The following TTC17 variants were observed in gnomAD, a reference collection of about 807,000 sequenced individuals.
TTC17 encodes tetratricopeptide repeat protein 17.
Under a neutral mutation model 143.8 loss-of-function variants are expected in TTC17, and 58 were observed. The observed-to-expected ratio is 0.40, with a 90% CI of 0.33 to 0.50. The LOEUF is 0.50. Among genes scored for constraint, TTC17 ranks in the 20% least tolerant of loss-of-function variants. The pLI is 0.49. For missense variants in TTC17, 1,273 were observed against 1,392.5 expected, an observed-to-expected ratio of 0.91 and a Z score of 1.37; for synonymous variants, 501 against 497.8, an observed-to-expected ratio of 1.01 and a Z score of -0.09.
chr11:43,368,486 C>CGTA (rs1856439238), intron 1 of TTC17, among the ~76,000 whole-genome samples: 2 of 152,174 alleles, frequency 1.3e-5, no homozygotes, highest in African/African-American at 4.8e-5. Flanking sequence ...TCAAACCCAA[C>CGTA]GTAGTAATAA....
chr11:43,363,713 G>T (rs934066509), intron 1 of TTC17, among the ~76,000 whole-genome samples: 1 of 152,182 alleles, frequency 6.6e-6, no homozygotes, highest in Non-Finnish European at 1.5e-5. Flanking sequence ...ACTCAAAGTC[G>T]TGTAACTAAT....
chr11:43,480,935 T>C (rs1249367852), intron 21 of TTC17, among the ~76,000 whole-genome samples: 1 of 148,696 alleles, frequency 6.7e-6, no homozygotes, highest in African/African-American at 2.5e-5. Flanking sequence ...TAAAATGATC[T>C]ATAATACAGC....
intron 21 of TTC17, among the ~76,000 whole-genome samples, chr11:43,472,345 A>C (rs1360639482): frequency 6.6e-6 from 1 of 152,184 alleles, no homozygotes; most frequent in Non-Finnish European, 1.5e-5. Context: ...CCTGTTTCAG[A>C]AAAGAAAAAA....
chr11:43,452,543 G>GA (rs1279165499), intron 21 of TTC17, among the ~76,000 whole-genome samples: 1 of 151,956 alleles, frequency 6.6e-6, no homozygotes, highest in Non-Finnish European at 1.5e-5. Flanking sequence ...GTGAATGAAT[G>GA]AAAACCATAG....
intron 13 of TTC17, among the ~76,000 whole-genome samples, chr11:43,406,428 G>T (rs905929498): frequency 6.6e-6 from 1 of 151,892 alleles, no homozygotes; most frequent in Non-Finnish European, 1.5e-5. Flanking sequence ...GTTCAATTAT[G>T]CTCTTTTCCT....
chr11:43,407,677 T>A, intron 15 of TTC17, 100 bp downstream of exon 15: 3 of 1,172,396 alleles, frequency 2.6e-6, no homozygotes, highest in Non-Finnish European at 3.6e-6. Flanking sequence ...AAAAATGTCA[T>A]GTTTTGTCTT....
intron 21 of TTC17, chr11:43,466,586 AC>A: frequency 7.2e-6 from 2 of 279,180 alleles, no homozygotes. Flanking sequence ...ATGACTTCAC[AC>A]CCCATAATGG....
At chr11:43,478,828 A>G (rs34564056) in intron 21 of TTC17, among the ~76,000 whole-genome samples, 1,810 of 152,258 alleles carry the variant, frequency 0.012, 20 homozygotes, top group Non-Finnish European at 0.017. Flanking sequence ...TAGTCTCGCT[A>G]TGTTGCCCAG....
At chr11:43,459,881 A>G (rs1361687580) in intron 21 of TTC17, among the ~76,000 whole-genome samples, 2 of 152,230 alleles carry the variant, frequency 1.3e-5, no homozygotes, top group East Asian at 3.9e-4. Flanking sequence ...GTTCAATATA[A>G]CATAATGCAA....
chr11:43,457,814 A>T (rs745359961), intron 21 of TTC17, among the ~76,000 whole-genome samples: 1 of 152,074 alleles, frequency 6.6e-6, no homozygotes, highest in Non-Finnish European at 1.5e-5. Flanking sequence ...AAGAAACGTG[A>T]TGGAAAAACT....
intron 1 of TTC17, among the ~76,000 whole-genome samples, chr11:43,359,586 C>T (rs1195473721): frequency 6.6e-6 from 1 of 152,142 alleles, no homozygotes; most frequent in Non-Finnish European, 1.5e-5. Context: ...CGTGCTGCTC[C>T]CCTAGTCTCG....
chr11:43,398,005 G>A lies in TTC17; in HGVS notation c.950G>A (p.Cys317Tyr), dbSNP rs1462109104. The A allele has an allele frequency of 6.2e-7, 1 of 1,611,854 alleles. No homozygotes were observed. The highest frequency in any genetic ancestry group is 8.5e-7 in the Non-Finnish European group (1 of 1,179,294). The change falls in exon 8 of 24, where the codon TGT becomes TAT. Residue 317 changes from cysteine to tyrosine, a missense_variant. Cys to Tyr is a radical substitution (Grantham distance 194). This residue lies in a region of TTC17 where 325 missense variants were observed against 444.2 expected (regional missense o/e 0.73). Coordinates refer to ENST00000039989, the MANE Select transcript of TTC17 (RefSeq NM_018259.6). ...GGGGAATATAACCACTCAGTGCTCT[G>A]TTATGACCACGCTTTGCAGGCCAGA... ...MLGEYNHSVL[C>Y]YDHALQARPG...
At chr11:43,396,865 C>A in intron 6 of TTC17, 47 bp downstream of exon 6, 2 of 1,219,266 alleles carry the variant, frequency 1.6e-6, no homozygotes, top group Non-Finnish European at 2.4e-6. Flanking sequence ...TTCCTCAGGA[C>A]TGTTAAAGAA....
At position 43,411,705 on chromosome 11, in the gene TTC17, T is replaced by C. The variant is rs767546923; in HGVS notation, c.2065-2885T>C. On this transcript the variant is annotated intron_variant, in intron 15 of 23. Coordinates refer to ENST00000039989, the MANE Select transcript of TTC17 (RefSeq NM_018259.6). The stretch of plus-strand genomic sequence containing the variant: ...TATTTTTACAGCTGTCATTTTGTCA[T>C]AGGGATAATTATAACACTTTGTTTC... 8.5e-5 allele frequency among the ~76,000 whole-genome samples: 13 copies of C among 152,212 alleles called. No homozygotes were observed. The South Asian group carries it at 2.3e-3, about 27-fold the overall frequency.
chr11:43,489,251 G>C (rs2060129418), intron 21 of TTC17, among the ~76,000 whole-genome samples: 2 of 152,128 alleles, frequency 1.3e-5, no homozygotes, highest in African/African-American at 4.8e-5. Context: ...AATGCAAATA[G>C]TTTACAGAAA....
At chr11:43,449,988 A>T in intron 19 of TTC17, 94 bp from the exon 20 acceptor site, 1 of 1,376,694 alleles carries the variant, frequency 7.3e-7, no homozygotes, top group Non-Finnish European at 1.0e-6. Flanking sequence ...CTGATTGTTA[A>T]TGCTGTCTCT....
At chr11:43,447,470 G>A (rs1947568411) in intron 18 of TTC17, 3 of 152,582 alleles carry the variant, frequency 2.0e-5, no homozygotes, top group South Asian at 2.1e-4. Context: ...GGCAATATCT[G>A]GAGACATTTT....
At chr11:43,475,247 G>T (rs12418410) in intron 21 of TTC17, among the ~76,000 whole-genome samples, 13 of 151,412 alleles carry the variant, frequency 8.6e-5, no homozygotes, top group Non-Finnish European at 1.3e-4. Context: ...TTCAGATGGG[G>T]TTTTTTTTTG....
At chr11:43,456,181 C>G (rs1287536550) in intron 21 of TTC17, among the ~76,000 whole-genome samples, 2 of 103,062 alleles carry the variant, frequency 1.9e-5, no homozygotes, top group East Asian at 8.9e-4. Flanking sequence ...AGCACAATAA[C>G]ACACACACAC....
Sources: gnomAD v4.1 joint callset for allele counts (sites outside exome capture counted in the v4.1 genomes callset) on GRCh38, gnomAD v4.1.1 for gene constraint, gnomAD v4.1.1 regional missense constraint, MANE v1.5 for transcripts, NCBI Gene and HGNC (gene_info 2026-07-23, HGNC 2026-07-21) for gene names.